The following ADARB2 variants were observed in gnomAD, a reference collection of about 807,000 sequenced individuals.
ADARB2 encodes the protein adenosine deaminase RNA specific B2 (inactive).
A neutral mutation model predicts 62.2 loss-of-function variants in ADARB2; 25 were observed. The observed-to-expected ratio is 0.40, with a 90% CI of 0.29 to 0.56. The LOEUF is 0.56. ADARB2 is among the 20% of genes least tolerant of loss of function. ADARB2 has a pLI of 0.43. For missense variants in ADARB2, 1,071 were observed against 1,077.4 expected (o/e 0.99, Z 0.08); for synonymous variants, 572 against 500.8 (o/e 1.14, Z -1.90).
At chr10:1,353,056 C>T (rs1357680875) in intron 3 of ADARB2, among the ~76,000 whole-genome samples, 1 of 152,160 alleles carries the variant, frequency 6.6e-6, no homozygotes, top group Non-Finnish European at 1.5e-5. Context: ...AAGGAAATCA[C>T]CTCTCAGTGT....
intron 2 of ADARB2, among the ~76,000 whole-genome samples, chr10:1,370,934 A>C (rs891075494): frequency 1.3e-5 from 2 of 152,252 alleles, no homozygotes; most frequent in African/African-American, 4.8e-5. Context: ...TATTTTTCAC[A>C]GAATTAGAAA....
At chr10:1,594,023 G>A (rs1192888673) in intron 1 of ADARB2, among the ~76,000 whole-genome samples, 2 of 152,190 alleles carry the variant, frequency 1.3e-5, no homozygotes, top group African/African-American at 4.8e-5. Flanking sequence ...CGGGTGCAGT[G>A]GCTCATGCTT....
At chr10:1,358,781 C>T (rs1832221041) in intron 3 of ADARB2, among the ~76,000 whole-genome samples, 4 of 152,110 alleles carry the variant, frequency 2.6e-5, no homozygotes, top group Middle Eastern at 3.4e-3. Context: ...CTTTGCCTGA[C>T]ATGAAAATTT....
intron 1 of ADARB2, among the ~76,000 whole-genome samples, chr10:1,388,722 C>A (rs1185947646): frequency 6.6e-6 from 1 of 152,018 alleles, no homozygotes; most frequent in Non-Finnish European, 1.5e-5. Context: ...TTTAAAAAGA[C>A]CTCAATAAAT....
chr10:1,606,516 A>G (rs2132017937), intron 1 of ADARB2, among the ~76,000 whole-genome samples: 1 of 152,296 alleles, frequency 6.6e-6, no homozygotes, highest in African/African-American at 2.4e-5. Context: ...AAAACATGCA[A>G]TGAGATGAAT....
At chr10:1,607,042 T>C (rs1204987667) in intron 1 of ADARB2, among the ~76,000 whole-genome samples, 1 of 152,204 alleles carries the variant, frequency 6.6e-6, no homozygotes, top group Non-Finnish European at 1.5e-5. Context: ...GCAAAAAATA[T>C]AATGTCTAAT....
chr10:1,647,221 T>C (rs1237480667), intron 1 of ADARB2, among the ~76,000 whole-genome samples: 1 of 152,250 alleles, frequency 6.6e-6, no homozygotes, highest in South Asian at 2.1e-4. Flanking sequence ...GAAAGTGCTT[T>C]AGAGTTCTTT....
At chr10:1,409,260 C>T (rs991589619) in intron 1 of ADARB2, among the ~76,000 whole-genome samples, 4 of 104,262 alleles carry the variant, frequency 3.8e-5, no homozygotes, top group Admixed American at 2.3e-4. Context: ...CCACCTTCGT[C>T]GCCCCGCCCT....
intron 1 of ADARB2, among the ~76,000 whole-genome samples, chr10:1,664,609 C>T (rs1834291564): frequency 6.6e-6 from 1 of 152,152 alleles, no homozygotes; most frequent in South Asian, 2.1e-4. Context: ...CTGGGCATCT[C>T]TCATGTTCAT....
intron 1 of ADARB2, among the ~76,000 whole-genome samples, chr10:1,705,110 A>T (rs1328655954): frequency 1.3e-5 from 2 of 152,234 alleles, no homozygotes; most frequent in Non-Finnish European, 2.9e-5. Flanking sequence ...AAATTATTTA[A>T]TTAAAGTGGC....
At chr10:1,260,529 T>G (rs1262120712) in intron 4 of ADARB2, among the ~76,000 whole-genome samples, 1 of 151,616 alleles carries the variant, frequency 6.6e-6, no homozygotes, top group Non-Finnish European at 1.5e-5. Flanking sequence ...GAGAGCCAAA[T>G]CATGAGTGAA....
chr10:1,268,041 CAG>C (rs1831223240), intron 4 of ADARB2, among the ~76,000 whole-genome samples: 2 of 152,274 alleles, frequency 1.3e-5, no homozygotes, highest in Admixed American at 1.3e-4. Context: ...ACGCACAGAA[CAG>C]GGAGTGAAAC....
intron 2 of ADARB2, among the ~76,000 whole-genome samples, chr10:1,371,125 C>T (rs1024553219): frequency 2.6e-5 from 4 of 152,058 alleles, no homozygotes; most frequent in Non-Finnish European, 5.9e-5. Context: ...AACAGAGAAC[C>T]CGGAAAGAAA....
chr10:1,499,575 A>T (rs1831738340), intron 1 of ADARB2, among the ~76,000 whole-genome samples: 1 of 151,518 alleles, frequency 6.6e-6, no homozygotes, highest in South Asian at 2.1e-4. Flanking sequence ...CTCACTCATC[A>T]TTCATCACCC....
At chr10:1,594,634 G>C (rs1340568252) in intron 1 of ADARB2, among the ~76,000 whole-genome samples, 1 of 152,190 alleles carries the variant, frequency 6.6e-6, no homozygotes, top group South Asian at 2.1e-4. Flanking sequence ...TTAGCACTGA[G>C]AGAAACGCCC....
At chr10:1,600,851 A>G (rs1833403247) in intron 1 of ADARB2, among the ~76,000 whole-genome samples, 1 of 152,078 alleles carries the variant, frequency 6.6e-6, no homozygotes, top group Non-Finnish European at 1.5e-5. Context: ...TTCCATGGTG[A>G]TGCTAAATCC....
chr10:1,385,737 T>TTAAAAGTTTTCAATTCTTTTAGA, intron 1 of ADARB2, among the ~76,000 whole-genome samples: 1 of 152,280 alleles, frequency 6.6e-6, no homozygotes, highest in East Asian at 1.9e-4. Context: ...AAATAATAGT[T>TTAAAAGTTTTCAATTCTTTTAGA]TAAAAGTTTT....
At chr10:1,610,233 C>T (rs371251259) in intron 1 of ADARB2, among the ~76,000 whole-genome samples, 5 of 152,310 alleles carry the variant, frequency 3.3e-5, no homozygotes, top group East Asian at 1.9e-4. Flanking sequence ...GGCCCCTACA[C>T]GGGCAGTTCT....
At chr10:1,677,745 T>C (rs1834485262) in intron 1 of ADARB2, among the ~76,000 whole-genome samples, 1 of 152,168 alleles carries the variant, frequency 6.6e-6, no homozygotes, top group Non-Finnish European at 1.5e-5. Context: ...GCTGTGCCCA[T>C]GGCTCCTGCA....
Sources: allele counts gnomAD v4.1 joint callset (sites outside exome capture counted in the v4.1 genomes callset), GRCh38; gene constraint gnomAD v4.1.1; transcripts MANE v1.5; gene names NCBI Gene and HGNC (gene_info 2026-07-23, HGNC 2026-07-21).